The following NDST3 variants were observed in gnomAD, a reference collection of about 807,000 sequenced individuals.
NDST3 encodes the protein bifunctional heparan sulfate N-deacetylase/N-sulfotransferase 3.
In NDST3, 58 loss-of-function variants were observed where a neutral mutation model predicts 96.1. The ratio of observed to expected loss-of-function variants is 0.60; its 90% CI spans 0.49 to 0.75. NDST3 has a LOEUF of 0.75. NDST3 is among the 30% of genes least tolerant of loss of function. The pLI is 0.00. For missense variants in NDST3, 788 were observed against 1,034.2 expected, an observed-to-expected ratio of 0.76 and a Z score of 3.27; for synonymous variants, 333 against 359.7, an observed-to-expected ratio of 0.93 and a Z score of 0.84.
In NDST3 at chr4:118,089,605, T is replaced by C. The variant is rs887325737; in HGVS notation, c.982-15413T>C. Among the ~76,000 whole-genome samples the C allele has an allele frequency of 2.6e-5, 4 of 151,986 alleles. No individual in the cohort carries two copies. The South Asian group carries it at 8.3e-4, about 31-fold the overall frequency. ...GGCTACAACATAAACAAATGTGATC[T>C]CAGATATTGGTTAATTATTTCAAAG... On this transcript the variant is annotated intron_variant, in intron 2 of 13. Transcript: ENST00000296499.
rs1737885410 is a variant in NDST3, at chr4:118,198,992, G to C, written c.1540-25499G>C. On this transcript the variant is annotated intron_variant, in intron 6 of 13. Transcript: ENST00000296499. The stretch of plus-strand genomic sequence containing the variant: ...CTTTTTGGAACCTTTTTTTATCCTT[G>C]ACCTTTGCAAGTTGAATTACCAGAT... Among the ~76,000 whole-genome samples, 3 of 151,574 alleles carry C rather than the reference G, an allele frequency of 2.0e-5. No individual in the cohort carries two copies. In the South Asian group the frequency reaches 6.3e-4, roughly 32 times the overall value.
At chr4:118,173,957 G>A (rs1169889891) in intron 6 of NDST3, among the ~76,000 whole-genome samples, 1 of 152,140 alleles carries the variant, frequency 6.6e-6, no homozygotes, top group Non-Finnish European at 1.5e-5. Flanking sequence ...CTAACTAAAA[G>A]CTGAAGAATA....
chr4:118,164,777 A>C (rs927281534), intron 6 of NDST3, among the ~76,000 whole-genome samples: 2 of 152,204 alleles, frequency 1.3e-5, no homozygotes, highest in Non-Finnish European at 2.9e-5. Context: ...ACTATATGAC[A>C]ATAATAAAAA....
chr4:118,233,869 T>C (rs1387037772), intron 9 of NDST3, among the ~76,000 whole-genome samples: 9 of 152,234 alleles, frequency 5.9e-5, no homozygotes, highest in Non-Finnish European at 1.5e-5. Context: ...ATATTTTGCA[T>C]GTATTTTAGC....
At chr4:118,044,287 A>G (rs574454410) in intron 1 of NDST3, among the ~76,000 whole-genome samples, 1 of 152,382 alleles carries the variant, frequency 6.6e-6, no homozygotes, top group African/African-American at 2.4e-5. Context: ...GAACGTACAT[A>G]ACTGTAAAAG....
At chr4:118,184,511 C>G (rs768950224) in intron 6 of NDST3, among the ~76,000 whole-genome samples, 31 of 151,798 alleles carry the variant, frequency 2.0e-4, no homozygotes, top group Non-Finnish European at 3.7e-4. Flanking sequence ...CTTACCAAGT[C>G]TCTATAGTCA....
intron 4 of NDST3, among the ~76,000 whole-genome samples, chr4:118,126,294 G>C (rs1420770966): frequency 1.3e-5 from 2 of 151,764 alleles, no homozygotes; most frequent in Admixed American, 1.3e-4. Flanking sequence ...GTTTCTGGTA[G>C]CCATCCTTCG....
chr4:118,179,373 T>C (rs934347051), intron 6 of NDST3, among the ~76,000 whole-genome samples: 1 of 152,082 alleles, frequency 6.6e-6, no homozygotes, highest in African/African-American at 2.4e-5. Context: ...ATATGAATAG[T>C]AATCTATAAA....
chr4:118,226,601 T>C (rs559646792), intron 7 of NDST3, among the ~76,000 whole-genome samples: 3 of 152,148 alleles, frequency 2.0e-5, no homozygotes, highest in South Asian at 2.1e-4. Flanking sequence ...TTAAAAAAAA[T>C]AGAACTGCTA....
At chr4:118,047,497 A>T (rs1163843272) in intron 1 of NDST3, among the ~76,000 whole-genome samples, 1 of 152,218 alleles carries the variant, frequency 6.6e-6, no homozygotes, top group African/African-American at 2.4e-5. Context: ...CAATTCAAGG[A>T]ATTTATTTAT....
chr4:118,137,740 G>T (rs192810818), intron 4 of NDST3, among the ~76,000 whole-genome samples: 1 of 152,072 alleles, frequency 6.6e-6, no homozygotes, highest in Non-Finnish European at 1.5e-5. Flanking sequence ...ACTTGTTGAC[G>T]TATGGGCAAT....
chr4:118,149,419 C>G (rs1734211967), intron 6 of NDST3, among the ~76,000 whole-genome samples: 1 of 150,608 alleles, frequency 6.6e-6, no homozygotes, highest in Non-Finnish European at 1.5e-5. Context: ...TTTGTATCCT[C>G]TTTTATTTCC....
chr4:118,097,735 A>T (rs1469050512), intron 2 of NDST3, among the ~76,000 whole-genome samples: 1 of 152,008 alleles, frequency 6.6e-6, no homozygotes, highest in East Asian at 1.9e-4. Flanking sequence ...ATTATGTTGA[A>T]ATTCTTCACC....
At chr4:118,165,333 G>A (rs1371880335) in intron 6 of NDST3, among the ~76,000 whole-genome samples, 2 of 151,416 alleles carry the variant, frequency 1.3e-5, no homozygotes, top group Admixed American at 1.3e-4. Flanking sequence ...AAAAAAAGAA[G>A]GACATAATCT....
chr4:118,139,056 T>G (rs1733355629), intron 5 of NDST3, among the ~76,000 whole-genome samples: 1 of 152,234 alleles, frequency 6.6e-6, no homozygotes, highest in South Asian at 2.1e-4. Flanking sequence ...TATAACTGAC[T>G]TCTTTTCAGA....
At chr4:118,104,161 C>T (rs938759380) in intron 2 of NDST3, among the ~76,000 whole-genome samples, 28 of 152,066 alleles carry the variant, frequency 1.8e-4, no homozygotes, top group African/African-American at 6.0e-4. Context: ...AGAAGGAATG[C>T]CTAATTTGGA....
At chr4:118,034,841 G>A in intron 1 of NDST3, among the ~76,000 whole-genome samples, 1 of 152,130 alleles carries the variant, frequency 6.6e-6, no homozygotes, top group East Asian at 1.9e-4. Flanking sequence ...ATGACCTCTT[G>A]TAATTGTTTA....
chr4:118,257,725 T>C lies in NDST3; in HGVS notation c.*2013T>C, dbSNP rs541367308. ...AGCATATGCTAATTTTTAAATATAC[T>C]ATTAGCAGAAAAAATTGGAAAAATC... is the stretch of plus-strand genomic sequence containing the variant. On this transcript the variant is annotated 3_prime_UTR_variant, in exon 14 of 14. Coordinates refer to ENST00000296499, the MANE Select transcript of NDST3 (RefSeq NM_004784.3). 4.6e-5 allele frequency: 7 copies of C among 152,308 alleles called. No homozygotes were observed. The East Asian group carries it at 1.2e-3, about 25-fold the overall frequency. The allele number at this position is 152,308 out of a possible 1,614,324, so 9.4% of individuals were successfully genotyped here. A position where few individuals can be genotyped will look rare whatever the true frequency, so the allele number is the denominator to read the frequency against.
rs757081313 is a variant in NDST3, at chr4:118,080,198, C to T, written c.982-24820C>T. The stretch of plus-strand genomic sequence containing the variant: ...AGTACCTGGTGTTAGTTATTATTAA[C>T]GGGATGGGGAGGGTGGGAGCAAGAA... On this transcript the variant is annotated intron_variant, in intron 2 of 13. Coordinates refer to ENST00000296499, the MANE Select transcript of NDST3 (RefSeq NM_004784.3). 6.2e-5 allele frequency among the ~76,000 whole-genome samples: 9 copies of T among 145,136 alleles called. No homozygotes were observed. The East Asian group carries it at 6.9e-4, about 11-fold the overall frequency.
Sources: gnomAD v4.1 joint callset for allele counts (sites outside exome capture counted in the v4.1 genomes callset) on GRCh38, gnomAD v4.1.1 for gene constraint, MANE v1.5 for transcripts, NCBI Gene and HGNC (gene_info 2026-07-23, HGNC 2026-07-21) for gene names.